TBCK: variants seen among roughly 807,000 people sequenced by gnomAD.
The protein encoded by TBCK is TBC domain-containing protein kinase-like protein.
Under a neutral mutation model 113.4 loss-of-function variants are expected in TBCK, and 99 were observed. That is an observed-to-expected ratio of 0.87 (90% CI 0.74 to 1.03). The LOEUF is 1.03. Ranked by LOEUF, TBCK falls within the 50% of genes least tolerant of loss-of-function variation. The pLI is 0.00. For synonymous variants in TBCK, 369 were observed against 370.8 expected, an observed-to-expected ratio of 1.00 and a Z score of 0.05; for missense variants, 1,045 against 1,061.3, an observed-to-expected ratio of 0.98 and a Z score of 0.21.
intron 22 of TBCK, among the ~76,000 whole-genome samples, chr4:106,188,977 A>G (rs1017972718): frequency 1.3e-5 from 2 of 152,144 alleles, no homozygotes; most frequent in African/African-American, 4.8e-5. Flanking sequence ...CCCCTTTTCC[A>G]TAAAATAATG....
intron 23 of TBCK, among the ~76,000 whole-genome samples, chr4:106,144,262 C>A (rs1400135552): frequency 9.9e-5 from 15 of 152,268 alleles, no homozygotes; most frequent in African/African-American, 3.6e-4. Context: ...TGATAAAAAT[C>A]TTGTTAACTG....
At chr4:106,158,577 CA>C (rs1239832245) in intron 23 of TBCK, among the ~76,000 whole-genome samples, 1 of 151,924 alleles carries the variant, frequency 6.6e-6, no homozygotes, top group Non-Finnish European at 1.5e-5. Context: ...CTTAGAAACA[CA>C]AAGCTTACCA....
chr4:106,080,458 AT>A (rs1261962951), intron 25 of TBCK, among the ~76,000 whole-genome samples: 3 of 152,048 alleles, frequency 2.0e-5, no homozygotes, highest in Non-Finnish European at 2.9e-5. Context: ...GTGCTGGGAC[AT>A]TCTAGCCAAA....
rs1038950891 is a variant in TBCK, at chr4:106,045,021, T to A, written c.*1549A>T. On this transcript the variant is annotated 3_prime_UTR_variant, in exon 26 of 26. Transcript: ENST00000394708. ...CTATATTTCATATATATGAGGCATT[T>A]TTTTTTTCAGATTTCTGAAATGGGA... is the stretch of plus-strand genomic sequence containing the variant. 9.9e-5 allele frequency: 15 copies of A among 151,982 alleles called. No individual in the cohort carries two copies. 9.4% of individuals were successfully genotyped at this position (151,982 alleles called of 1,614,324 possible).
At chr4:106,213,690 A>C (rs1756464575) in intron 19 of TBCK, 2 of 154,778 alleles carry the variant, frequency 1.3e-5, no homozygotes, top group Admixed American at 6.5e-5. Context: ...CCACGAGATT[A>C]TATCCTGCAC....
intron 20 of TBCK, among the ~76,000 whole-genome samples, chr4:106,195,262 T>C (rs1262277863): frequency 6.6e-6 from 1 of 152,082 alleles, no homozygotes; most frequent in Admixed American, 6.6e-5. Flanking sequence ...ACTATCCACA[T>C]TACAAATGTA....
intron 17 of TBCK, among the ~76,000 whole-genome samples, chr4:106,232,656 G>A (rs551233713): frequency 5.9e-5 from 9 of 151,954 alleles, no homozygotes; most frequent in Middle Eastern, 6.8e-3. Flanking sequence ...TTGCATAGGC[G>A]TTTAAAAAAT....
chr4:106,097,686 T>C (rs1486170708), intron 24 of TBCK, among the ~76,000 whole-genome samples: 1 of 152,102 alleles, frequency 6.6e-6, no homozygotes, highest in African/African-American at 2.4e-5. Flanking sequence ...ACAGACAGCA[T>C]TAGGTGAAAT....
intron 5 of TBCK, among the ~76,000 whole-genome samples, chr4:106,257,502 A>G (rs1188268199): frequency 6.6e-6 from 1 of 152,096 alleles, no homozygotes; most frequent in Non-Finnish European, 1.5e-5. Flanking sequence ...TAAGTCAGGG[A>G]ATGTGACTTA....
chr4:106,106,790 A>G (rs1245304847), intron 24 of TBCK, among the ~76,000 whole-genome samples: 1 of 152,176 alleles, frequency 6.6e-6, no homozygotes, highest in East Asian at 1.9e-4. Flanking sequence ...ACACATATCA[A>G]TATGAACCTT....
intron 3 of TBCK, among the ~76,000 whole-genome samples, chr4:106,265,894 A>T (rs1164709037): frequency 6.6e-6 from 1 of 151,832 alleles, no homozygotes; most frequent in Non-Finnish European, 1.5e-5. Flanking sequence ...TGTGTAAAAA[A>T]GAAGCAATGA....
intron 1 of TBCK, chr4:106,310,361 C>T (rs1026096997): frequency 1.3e-5 from 2 of 151,948 alleles, no homozygotes; most frequent in African/African-American, 2.4e-5. Context: ...TTGTTTGGTC[C>T]CTTCAGATTC....
At chr4:106,082,846 C>T (rs1405021300) in intron 25 of TBCK, among the ~76,000 whole-genome samples, 1 of 143,160 alleles carries the variant, frequency 7.0e-6, no homozygotes, top group East Asian at 2.1e-4. Flanking sequence ...TGGCGGTCCA[C>T]CTGTGATCCA....
chr4:106,150,656 G>A (rs1748369461), intron 23 of TBCK, among the ~76,000 whole-genome samples: 1 of 151,930 alleles, frequency 6.6e-6, no homozygotes, highest in Non-Finnish European at 1.5e-5. Flanking sequence ...AAGCACTGGG[G>A]GTACAGGGGT....
intron 24 of TBCK, among the ~76,000 whole-genome samples, chr4:106,109,931 T>C (rs1056435572): frequency 2.0e-5 from 3 of 152,174 alleles, no homozygotes; most frequent in Non-Finnish European, 4.4e-5. Flanking sequence ...GGAAAAGCAT[T>C]TGGCTGAAGG....
At chr4:106,272,833 T>C (rs1397777151) in intron 3 of TBCK, among the ~76,000 whole-genome samples, 30 of 152,078 alleles carry the variant, frequency 2.0e-4, no homozygotes, top group Non-Finnish European at 4.4e-4. Context: ...ATTTTGCATA[T>C]AGCAAAGATG....
At chr4:106,244,471 C>T (rs1760532498) in intron 11 of TBCK, among the ~76,000 whole-genome samples, 155 bp downstream of exon 11, 1 of 151,836 alleles carries the variant, frequency 6.6e-6, no homozygotes, top group Non-Finnish European at 1.5e-5. Flanking sequence ...ATTCCAATTG[C>T]TTCCAATAAT....
chr4:106,285,219 A>G (rs1341654951), intron 3 of TBCK, among the ~76,000 whole-genome samples: 4 of 152,100 alleles, frequency 2.6e-5, no homozygotes, highest in Non-Finnish European at 5.9e-5. Context: ...AGGTTAGCCA[A>G]CTATCCACAC....
intron 25 of TBCK, among the ~76,000 whole-genome samples, chr4:106,052,475 A>G (rs1472212150): frequency 2.0e-5 from 3 of 151,830 alleles, no homozygotes; most frequent in Non-Finnish European, 4.4e-5. Flanking sequence ...AAGCCATACT[A>G]ATAGTATTCT....
Sources: gnomAD v4.1 joint callset for allele counts (sites outside exome capture counted in the v4.1 genomes callset) on GRCh38, gnomAD v4.1.1 for gene constraint, MANE v1.5 for transcripts, NCBI Gene and HGNC (gene_info 2026-07-23, HGNC 2026-07-21) for gene names.